SGIP1: variants seen among roughly 807,000 people sequenced by gnomAD.
The protein encoded by SGIP1 is SH3GL interacting endocytic adaptor 1.
SGIP1 carries 38 observed loss-of-function variants against 107.5 expected under a neutral mutation model. That is an observed-to-expected ratio of 0.35 (90% CI 0.27 to 0.46). SGIP1 has a LOEUF of 0.46. Ranked by LOEUF, SGIP1 falls within the 20% of genes least tolerant of loss-of-function variation. The probability of loss-of-function intolerance (pLI) is 1.00; values close to 1 mark genes in which losing one functional copy is unlikely to be tolerated. For synonymous variants in SGIP1, 365 were observed against 366.1 expected (o/e 1.00, Z 0.03); for missense variants, 929 against 1,019.5 (o/e 0.91, Z 1.21).
At chr1:66,662,360 A>G (rs1317303371) in intron 8 of SGIP1, among the ~76,000 whole-genome samples, 1 of 152,184 alleles carries the variant, frequency 6.6e-6, no homozygotes, top group East Asian at 1.9e-4. Context: ...GATGTCACAA[A>G]ACTTCAAAAT....
rs1558133108 is a variant in SGIP1 at position 66,630,845 on chromosome 1, A to AGAGAGAGAG, written c.75-2225_75-2224insGAGAGAGAG. 6.3e-4 allele frequency among the ~76,000 whole-genome samples: 16 copies of AGAGAGAGAG among 25,214 alleles called. 1 individual carries two copies. The East Asian group carries it at 7.6e-3, about 12-fold the overall frequency. The allele number at this position is 25,214 out of a possible 152,430, so 16.5% of individuals were successfully genotyped here. The stretch of plus-strand genomic sequence containing the variant: ...AAAGAAAGAAAGAAAGAAAGAAAGA[A>AGAGAGAGAG]AGAAAGAAAGAAAGAAAGAAAGAAA... On this transcript the variant is annotated intron_variant, in intron 2 of 24. Coordinates refer to ENST00000371037, the MANE Select transcript of SGIP1 (RefSeq NM_032291.4).
At chr1:66,533,887 T>C (rs901112770), upstream of SGIP1, among the ~76,000 whole-genome samples, 2 of 151,856 alleles carry the variant, frequency 1.3e-5, no homozygotes, top group Admixed American at 1.3e-4. Context: ...CCCAGCCGCT[T>C]CTGTAAGCTT....
chr1:66,707,217 T>C (rs536250754), intron 18 of SGIP1, among the ~76,000 whole-genome samples: 1 of 152,274 alleles, frequency 6.6e-6, no homozygotes, highest in South Asian at 2.1e-4. Flanking sequence ...TTGTCAAGTG[T>C]AGAAAAGCAT....
chr1:66,556,840 T>C (rs2058253777), intron 1 of SGIP1, among the ~76,000 whole-genome samples: 2 of 152,170 alleles, frequency 1.3e-5, no homozygotes, highest in South Asian at 4.1e-4. Flanking sequence ...ATTTTTGCTC[T>C]ACTTGAAAGC....
intron 1 of SGIP1, among the ~76,000 whole-genome samples, chr1:66,614,109 T>C (rs1310120535): frequency 6.6e-6 from 1 of 152,222 alleles, no homozygotes; most frequent in Non-Finnish European, 1.5e-5. Flanking sequence ...ACCTAGGATC[T>C]GAGAATCATT....
chr1:66,643,358 A>G (rs1382550241), intron 6 of SGIP1, among the ~76,000 whole-genome samples, 186 bp from the exon 7 acceptor site: 3 of 152,136 alleles, frequency 2.0e-5, no homozygotes, highest in Non-Finnish European at 4.4e-5. Context: ...GAAATTCACC[A>G]TCCTTGATCA....
chr1:66,567,829 T>A (rs142659625), intron 1 of SGIP1, among the ~76,000 whole-genome samples: 3,959 of 152,240 alleles, frequency 0.026, 78 homozygotes, highest in Non-Finnish European at 0.038. Context: ...TGTGGTGTTA[T>A]TTCTGCGGTC....
chr1:66,667,589 C>T (rs895284685), intron 9 of SGIP1, 48 bp downstream of exon 9: 2 of 1,594,488 alleles, frequency 1.3e-6, no homozygotes, highest in African/African-American at 1.3e-5. Context: ...GAGAAAATTG[C>T]TGCCAAGGCA....
chr1:66,612,066 G>A (rs2068143615), intron 1 of SGIP1, among the ~76,000 whole-genome samples: 1 of 152,218 alleles, frequency 6.6e-6, no homozygotes, highest in South Asian at 2.1e-4. Context: ...GGCTGCACAA[G>A]AAGCACGGCA....
intron 1 of SGIP1, among the ~76,000 whole-genome samples, chr1:66,586,173 T>C (rs1012566554): frequency 1.4e-4 from 22 of 152,206 alleles, no homozygotes; most frequent in African/African-American, 5.3e-4. Context: ...TTTCCCATGA[T>C]CAATGTCTTC....
intron 1 of SGIP1, among the ~76,000 whole-genome samples, chr1:66,554,112 C>T (rs1027390581): frequency 8.5e-5 from 13 of 152,154 alleles, no homozygotes; most frequent in African/African-American, 3.1e-4. Context: ...TGAGCAAATC[C>T]TCTAAGGAAT....
chr1:66,695,351 G>A (rs1207383643), intron 17 of SGIP1, 83 bp from the exon 18 acceptor site: 2 of 1,604,860 alleles, frequency 1.2e-6, no homozygotes, highest in Non-Finnish European at 1.7e-6. Context: ...TGAGATTAAT[G>A]ACCTGCTCTG....
intron 1 of SGIP1, among the ~76,000 whole-genome samples, chr1:66,602,197 C>T (rs1235874826): frequency 6.6e-6 from 1 of 152,142 alleles, no homozygotes; most frequent in African/African-American, 2.4e-5. Context: ...AATAATAGAT[C>T]TGAAAGATTC....
intron 1 of SGIP1, among the ~76,000 whole-genome samples, chr1:66,539,755 T>C (rs1398649525): frequency 3.3e-5 from 5 of 152,214 alleles, no homozygotes; most frequent in Non-Finnish European, 5.9e-5. Context: ...AATTCTCTTG[T>C]GGTCCCAGCA....
In SGIP1 at chr1:66,673,303, A is replaced by G; in HGVS notation, c.583A>G (p.Thr195Ala). Residue 195 changes from threonine (T) to alanine (A), a missense_variant, in exon 12 of 25, where the codon ACG becomes GCG. Coordinates refer to ENST00000371037, the MANE Select transcript of SGIP1 (RefSeq NM_032291.4). ...TAGCAAAAAGCCTCCAGATGACACTACGGCCCTTGCTCCTCTCTTTGGCCC... is the reference window on the plus strand; with the variant it reads ...TAGCAAAAAGCCTCCAGATGACACTGCGGCCCTTGCTCCTCTCTTTGGCCC... Reference protein sequence around the residue: ...LISKKPPDDTTALAPLFGPPL... With the variant: ...LISKKPPDDTAALAPLFGPPL... 1 of 1,613,966 alleles carries G rather than the reference A, an allele frequency of 6.2e-7. No homozygotes were observed. The highest frequency in any genetic ancestry group is 8.5e-7 in the Non-Finnish European group (1 of 1,179,966).
intron 2 of SGIP1, chr1:66,626,137 CTTTTTTTTTTTTT>C (rs35959436): frequency 8.4e-6 from 1 of 118,682 alleles, no homozygotes; most frequent in East Asian, 1.5e-4. Context: ...TTCTTTCTTT[CTTTTTTTTTTTTT>C]TTTTTTTTTG....
intron 1 of SGIP1, among the ~76,000 whole-genome samples, chr1:66,609,126 C>T (rs969096556): frequency 6.6e-6 from 1 of 150,794 alleles, no homozygotes; most frequent in Non-Finnish European, 1.5e-5. Flanking sequence ...GGACACTGAA[C>T]TAGGATCACC....
chr1:66,585,885 C>G (rs992648866), intron 1 of SGIP1, among the ~76,000 whole-genome samples: 3 of 152,108 alleles, frequency 2.0e-5, no homozygotes, highest in African/African-American at 7.2e-5. Flanking sequence ...AATACTGTCT[C>G]CAAGTGCTCT....
At chr1:66,739,674 A>C in intron 22 of SGIP1, 137 bp downstream of exon 22, 2 of 806,482 alleles carry the variant, frequency 2.5e-6, no homozygotes, top group South Asian at 1.8e-5. Context: ...AATAGAAACC[A>C]CTGGTAGCTA....
Sources: allele counts gnomAD v4.1 joint callset (sites outside exome capture counted in the v4.1 genomes callset), GRCh38; gene constraint gnomAD v4.1.1; transcripts MANE v1.5; gene names NCBI Gene and HGNC (gene_info 2026-07-23, HGNC 2026-07-21).